RGS13: variants seen among roughly 807,000 people sequenced by gnomAD.
RGS13 encodes the protein regulator of G protein signaling 13, also known as regulator of G-protein signalling 13.
In RGS13, 14 loss-of-function variants were observed where a neutral mutation model predicts 19.9. The observed-to-expected ratio is 0.70, with a 90% CI of 0.46 to 1.10. The LOEUF (loss-of-function observed/expected upper bound fraction) is 1.10. Ranked by LOEUF, RGS13 falls within the 50% of genes least tolerant of loss-of-function variation. The pLI, the probability that RGS13 is intolerant of heterozygous loss-of-function variation, is 0.00. For missense variants in RGS13, 205 were observed against 187.1 expected (o/e 1.10, Z -0.56); for synonymous variants, 60 against 56.8 (o/e 1.06, Z -0.25).
chr1:192,641,255 AAAG>A (rs1305944744), intron 3 of RGS13, among the ~76,000 whole-genome samples: 1 of 7,702 alleles, frequency 1.3e-4, no homozygotes, highest in Non-Finnish European at 3.5e-4. Flanking sequence ...AAAAGAAAGA[AAAG>A]AAAGAAAGAA....
intron 3 of RGS13, among the ~76,000 whole-genome samples, chr1:192,643,692 A>G (rs1403055475): frequency 6.6e-6 from 1 of 152,136 alleles, no homozygotes; most frequent in African/African-American, 2.4e-5. Context: ...GCTCATGCCT[A>G]CAGTCCCAGC....
intron 5 of RGS13, 88 bp downstream of exon 5, chr1:192,648,075 C>T: frequency 4.8e-6 from 4 of 840,806 alleles, no homozygotes; most frequent in Admixed American, 4.6e-5. Context: ...TGAATGTATG[C>T]TATTCTTCTC....
chr1:192,658,658 A>G, intron 6 of RGS13: 1 of 277,230 alleles, frequency 3.6e-6, no homozygotes, highest in Non-Finnish European at 6.7e-6. Flanking sequence ...AAAGAAAAAA[A>G]GGAGTCTGTG....
chr1:192,658,613 C>T (rs1386227055), intron 6 of RGS13: 3 of 358,566 alleles, frequency 8.4e-6, no homozygotes, highest in Middle Eastern at 1.5e-3. Flanking sequence ...CAAAGCTTCT[C>T]CCCATTAAAT....
Position 192,637,778 on chromosome 1 carries a change from T to C in RGS13, c.-45+118T>C, listed in dbSNP as rs1558048006. The C allele has an allele frequency of 3.9e-5, 6 of 152,052 alleles. No homozygotes were observed. In the South Asian group the frequency reaches 1.2e-3, roughly 31 times the overall value. The allele number at this position is 152,052 out of a possible 1,614,324, so 9.4% of individuals were successfully genotyped here. ...AGTTCTATAAAATATTTAAAGTTAT[T>C]TTTTATTTTTATCCATATTGACTAC... is the stretch of plus-strand genomic sequence containing the variant. On this transcript the variant is annotated intron_variant, in intron 2 of 6. Coordinates refer to ENST00000391995, the MANE Select transcript of RGS13 (RefSeq NM_002927.5).
chr1:192,638,010 C>T (rs1469779242), intron 2 of RGS13, among the ~76,000 whole-genome samples, 154 bp from the exon 3 acceptor site: 1 of 151,972 alleles, frequency 6.6e-6, no homozygotes, highest in Non-Finnish European at 1.5e-5. Context: ...CATTCTGCCA[C>T]TCTATATTGG....
intron 3 of RGS13, among the ~76,000 whole-genome samples, chr1:192,643,028 T>G (rs574651232): frequency 2.0e-5 from 3 of 152,044 alleles, no homozygotes; most frequent in African/African-American, 7.2e-5. Context: ...ACCAGCTAAT[T>G]TTTTTTATTT....
intron 3 of RGS13, among the ~76,000 whole-genome samples, chr1:192,642,348 GTCTT>G (rs1433393501): frequency 1.4e-5 from 2 of 147,394 alleles, no homozygotes; most frequent in South Asian, 2.1e-4. Context: ...TTGAGATAAG[GTCTT>G]TCTTTGTCAC....
At chr1:192,646,348 A>C (rs1168735146) in intron 4 of RGS13, 1 of 152,150 alleles carries the variant, frequency 6.6e-6, no homozygotes, top group African/African-American at 2.4e-5. Flanking sequence ...ACTAATTTTT[A>C]GGCTGCTAAT....
intron 3 of RGS13, among the ~76,000 whole-genome samples, chr1:192,643,193 G>A (rs1663156367): frequency 6.6e-6 from 1 of 151,982 alleles, no homozygotes; most frequent in Admixed American, 6.6e-5. Flanking sequence ...TTGTCAGTGA[G>A]GACAGAAGAG....
intron 3 of RGS13, among the ~76,000 whole-genome samples, chr1:192,640,442 G>T (rs1663085523): frequency 6.6e-6 from 1 of 152,124 alleles, no homozygotes; most frequent in African/African-American, 2.4e-5. Flanking sequence ...AAAGACCTCA[G>T]TGGATTACTT....
chr1:192,641,833 C>A (rs1479756531), intron 3 of RGS13, among the ~76,000 whole-genome samples: 2 of 152,122 alleles, frequency 1.3e-5, no homozygotes, highest in Admixed American at 1.3e-4. Flanking sequence ...AATAGCCCAC[C>A]TTTATCCTGA....
At chr1:192,636,665 C>T (rs1328805905) in intron 1 of RGS13, among the ~76,000 whole-genome samples, 1 of 151,866 alleles carries the variant, frequency 6.6e-6, no homozygotes, top group African/African-American at 2.4e-5. Context: ...TCAGACATAG[C>T]TGAATTATTT....
Position 192,658,355 on chromosome 1 carries a change from GT to G in RGS13, c.283del (p.Ser95ProfsTer33). ...KLYKIYIQPQ[S>X]PREINIDSST... ...TTTATAAGATTTACATCCAGCCACAGTCCCCTAGAGAGGTAACTACCTGACA... is the reference window on the plus strand; with the variant it reads ...TTTATAAGATTTACATCCAGCCACAGCCCCTAGAGAGGTAACTACCTGACA... On this transcript the variant is annotated frameshift_variant, in exon 6 of 7. Transcript: ENST00000391995. LOFTEE classifies it high-confidence loss of function. The G allele has an allele frequency of 6.2e-7, 1 of 1,610,924 alleles. No individual in the cohort carries two copies. Among genetic ancestry groups the G allele is most frequent in the South Asian group, 1.1e-5 (1 of 90,792 alleles).
chr1:192,647,912 G>T lies in RGS13; in HGVS notation c.66-14G>T. ...ATATTTAGCCCAATCAGTGCTTTTT[G>T]TTTCTTTTCAAAGCCTTACTTTGGA... On this transcript the variant is annotated splice_polypyrimidine_tract_variant and intron_variant, in intron 4 of 6. Transcript: ENST00000391995. 1 of 1,569,106 alleles carries T rather than the reference G, an allele frequency of 6.4e-7. No individual in the cohort carries two copies. The highest frequency in any genetic ancestry group is 8.7e-7 in the Non-Finnish European group (1 of 1,155,750).
intron 5 of RGS13, 150 bp downstream of exon 5, chr1:192,648,137 A>T: frequency 2.1e-6 from 1 of 468,168 alleles, no homozygotes; most frequent in South Asian, 4.4e-5. Flanking sequence ...ACCTGAAAAT[A>T]GTTTGTTATG....
intron 5 of RGS13, among the ~76,000 whole-genome samples, chr1:192,648,739 T>A (rs1182707857): frequency 6.6e-6 from 1 of 152,126 alleles, no homozygotes; most frequent in East Asian, 1.9e-4. Context: ...CATCTTTTTA[T>A]TTAAGATCCC....
At chr1:192,654,940 T>C (rs538582933) in intron 5 of RGS13, among the ~76,000 whole-genome samples, 110 of 152,142 alleles carry the variant, frequency 7.2e-4, no homozygotes, top group African/African-American at 2.6e-3. Context: ...CTGATGTTTA[T>C]CATCTTATTC....
intron 5 of RGS13, among the ~76,000 whole-genome samples, chr1:192,652,006 G>C (rs564910158): frequency 2.1e-4 from 32 of 152,114 alleles, no homozygotes; most frequent in Middle Eastern, 6.8e-3. Flanking sequence ...GCTTGTTCAG[G>C]TTGCCCCAGC....
Sources: allele counts gnomAD v4.1 joint callset (sites outside exome capture counted in the v4.1 genomes callset), GRCh38; gene constraint gnomAD v4.1.1; transcripts MANE v1.5; gene names NCBI Gene and HGNC (gene_info 2026-07-23, HGNC 2026-07-21).